The following FREM3 variants were observed in gnomAD, a reference collection of about 807,000 sequenced individuals.
FREM3 encodes the protein FRAS1-related extracellular matrix protein 3.
Under a neutral mutation model 129.1 loss-of-function variants are expected in FREM3, and 105 were observed. That is an observed-to-expected ratio of 0.81 (90% confidence interval 0.69 to 0.96). FREM3 has a LOEUF of 0.96. Ranked by LOEUF, FREM3 falls within the 40% of genes least tolerant of loss-of-function variation. The pLI is 0.00. For missense variants in FREM3, 2,593 were observed against 2,666.3 expected, an observed-to-expected ratio of 0.97 and a Z score of 0.61; for synonymous variants, 1,014 against 1,044.9, an observed-to-expected ratio of 0.97 and a Z score of 0.57.
intron 2 of FREM3, among the ~76,000 whole-genome samples, chr4:143,633,389 A>ATGAT (rs1739175486): frequency 6.6e-6 from 1 of 152,172 alleles, no homozygotes; most frequent in East Asian, 1.9e-4. Context: ...TTTCTGAAGG[A>ATGAT]TGATTTATGA....
intron 5 of FREM3, among the ~76,000 whole-genome samples, chr4:143,617,581 A>G (rs939515869): frequency 3.3e-5 from 5 of 152,188 alleles, no homozygotes; most frequent in African/African-American, 9.7e-5. Context: ...ATATCCAGAG[A>G]TAGGCTTATT....
intron 6 of FREM3, among the ~76,000 whole-genome samples, chr4:143,592,261 G>A (rs962160941): frequency 6.6e-6 from 1 of 152,148 alleles, no homozygotes; most frequent in African/African-American, 2.4e-5. Flanking sequence ...GTATTGTTAT[G>A]TGTGAATTTG....
At position 143,611,325 on chromosome 4, in the gene FREM3, G is replaced by A; in HGVS notation, c.5982C>T (p.Ala1994=). 1.3e-6 allele frequency: 2 copies of A among 1,537,038 alleles called. No individual in the cohort carries two copies. Among genetic ancestry groups the A allele is most frequent in the Non-Finnish European group, 1.7e-6 (2 of 1,146,804 alleles). The part of the protein sequence containing the change: ...LRLPVGGQLG[A]RFPTTKVTIL... ...TAGTCACCTTAGTGGTGGGGAATCT[G>A]GCTCCCAGCTGTCCTCCCACTGGCA... Residue 1994 remains alanine, a synonymous_variant, in exon 6 of 8, where the codon GCC becomes GCT. Coordinates refer to ENST00000329798, the MANE Select transcript of FREM3 (RefSeq NM_001168235.2).
intron 2 of FREM3, among the ~76,000 whole-genome samples, chr4:143,648,983 C>T (rs1224695520): frequency 3.3e-5 from 5 of 152,052 alleles, no homozygotes; most frequent in Non-Finnish European, 7.4e-5. Flanking sequence ...AGGCTGGTCT[C>T]AAACTCCTGG....
intron 7 of FREM3, among the ~76,000 whole-genome samples, chr4:143,582,114 C>G (rs1738157795): frequency 6.6e-6 from 1 of 152,080 alleles, no homozygotes; most frequent in East Asian, 1.9e-4. Flanking sequence ...AGAGACAAGT[C>G]AAAAGCCCTT....
intron 2 of FREM3, among the ~76,000 whole-genome samples, chr4:143,628,108 C>T (rs904946816): frequency 7.2e-5 from 11 of 152,090 alleles, no homozygotes; most frequent in African/African-American, 2.7e-4. Context: ...TTCACTTTCA[C>T]TCCCTCTGCC....
chr4:143,638,553 C>T (rs115488957), intron 2 of FREM3, among the ~76,000 whole-genome samples: 1,975 of 152,240 alleles, frequency 0.013, 68 homozygotes, highest in Admixed American at 0.081. Context: ...CGGATACGAT[C>T]TTGAGTCCAG....
At position 143,697,433 on chromosome 4, in the gene FREM3, A is replaced by C; in HGVS notation, c.3243T>G (p.Tyr1081Ter). ...KVFVGESFIV[Y>*]EGEKNSLTLQ... ...AGGTCAAGGAGTTCTTCTCACCTTC[A>C]TAGACAATGAAGGACTCCCCGACGA... Residue 1081 changes from tyrosine (Y) to a stop codon, truncating the protein, a stop_gained, in exon 1 of 8, where the codon TAT becomes TAG. Transcript: ENST00000329798. LOFTEE classifies it high-confidence loss of function. The C allele has an allele frequency of 6.5e-7, 1 of 1,537,220 alleles. No homozygotes were observed. Among genetic ancestry groups the C allele is most frequent in the African/African-American group, 1.4e-5 (1 of 73,160 alleles).
chr4:143,585,706 A>G lies in FREM3; in HGVS notation c.6178+138T>C. 5.0e-6 allele frequency: 4 copies of G among 799,054 alleles called. No homozygotes were observed. The highest frequency in any genetic ancestry group is 1.7e-5 in the African/African-American group (1 of 57,566). The allele number at this position is 799,054 out of a possible 1,614,324, so 49.5% of individuals were successfully genotyped here. ...CCAGCAGAAGTCATTATGTATACAAACCATCTACGTGCTGAAGCCAGAGAA... is the reference window on the plus strand; with the variant it reads ...CCAGCAGAAGTCATTATGTATACAAGCCATCTACGTGCTGAAGCCAGAGAA... On this transcript the variant is annotated intron_variant, in intron 7 of 7. Transcript: ENST00000329798. The surrounding 1 kb of genome is among the most constrained non-coding windows in gnomAD (Gnocchi z 4.2).
intron 6 of FREM3, among the ~76,000 whole-genome samples, chr4:143,601,369 T>G (rs536293391): frequency 2.0e-4 from 31 of 152,190 alleles, no homozygotes; most frequent in Non-Finnish European, 3.5e-4. Flanking sequence ...TGGTAATATT[T>G]ATAGGGAAAT....
At chr4:143,657,898 T>G (rs1256105992) in intron 2 of FREM3, among the ~76,000 whole-genome samples, 4 of 152,170 alleles carry the variant, frequency 2.6e-5, no homozygotes, top group Non-Finnish European at 5.9e-5. Flanking sequence ...GCCAGAAATC[T>G]GGGTGCCCCT....
chr4:143,676,344 C>T (rs1398220194), intron 2 of FREM3, among the ~76,000 whole-genome samples: 1 of 152,198 alleles, frequency 6.6e-6, no homozygotes, highest in East Asian at 1.9e-4. Context: ...TTCAACAACC[C>T]TTCATGCTAA....
At chr4:143,673,068 G>C (rs145552936) in intron 2 of FREM3, among the ~76,000 whole-genome samples, 1 of 152,086 alleles carries the variant, frequency 6.6e-6, no homozygotes, top group African/African-American at 2.4e-5. Flanking sequence ...AAGTTTGATC[G>C]TCTGAAGCCT....
chr4:143,635,646 C>G (rs1392933680), intron 2 of FREM3, among the ~76,000 whole-genome samples: 1 of 152,316 alleles, frequency 6.6e-6, no homozygotes, highest in East Asian at 1.9e-4. Flanking sequence ...AATAATTTTA[C>G]TGAATCTGAT....
intron 2 of FREM3, among the ~76,000 whole-genome samples, chr4:143,649,876 T>G (rs536770272): frequency 6.6e-6 from 1 of 152,204 alleles, no homozygotes; most frequent in African/African-American, 2.4e-5. Flanking sequence ...TTGAGGACCC[T>G]TTGCATAAAA....
Position 143,697,095 on chromosome 4 carries a change from G to A in FREM3, c.3581C>T (p.Pro1194Leu), listed in dbSNP as rs1194352249. 1.3e-6 allele frequency: 2 copies of A among 1,537,792 alleles called. No homozygotes were observed. The highest frequency in any genetic ancestry group is 1.7e-6 in the Non-Finnish European group (2 of 1,147,026). The change falls in exon 1 of 8, where the codon CCT (proline) becomes CTT (leucine). Residue 1194 changes from proline (P) to leucine (L), a missense_variant. Transcript: ENST00000329798. Reference protein sequence around the residue: ...IIILPTNDEQPKLFAHEFKVL... With the variant: ...IIILPTNDEQLKLFAHEFKVL... ...CTTAAACTCATGGGCAAAAAGTTTAGGCTGCTCATCATTGGTGGGTAGGAT... is the reference window on the plus strand; with the variant it reads ...CTTAAACTCATGGGCAAAAAGTTTAAGCTGCTCATCATTGGTGGGTAGGAT...
At chr4:143,599,203 A>G (rs1434602694) in intron 6 of FREM3, among the ~76,000 whole-genome samples, 4 of 152,206 alleles carry the variant, frequency 2.6e-5, no homozygotes, top group South Asian at 2.1e-4. Context: ...AATTAAAGTT[A>G]TTTAACCATA....
chr4:143,624,002 T>G, intron 4 of FREM3, 106 bp downstream of exon 4: 1 of 643,084 alleles, frequency 1.6e-6, no homozygotes, highest in Non-Finnish European at 2.7e-6. Flanking sequence ...CCTAAATGGA[T>G]ATGAACGCAT....
At chr4:143,622,835 C>T (rs1738975705) in intron 4 of FREM3, among the ~76,000 whole-genome samples, 1 of 152,136 alleles carries the variant, frequency 6.6e-6, no homozygotes, top group Admixed American at 6.5e-5. Flanking sequence ...CAGCTCAAAC[C>T]CTGCCTCTTC....
Sources: gnomAD v4.1 joint callset for allele counts (sites outside exome capture counted in the v4.1 genomes callset) on GRCh38, gnomAD v4.1.1 for gene constraint, Gnocchi (gnomAD v3.1) non-coding constraint, MANE v1.5 for transcripts, NCBI Gene and HGNC (gene_info 2026-07-23, HGNC 2026-07-21) for gene names.